The following PTPRO variants were observed in gnomAD, a reference collection of about 807,000 sequenced individuals.
PTPRO encodes protein tyrosine phosphatase receptor type O, also known as receptor-type tyrosine-protein phosphatase O.
PTPRO carries 62 observed loss-of-function variants against 145.2 expected under a neutral mutation model. The observed-to-expected ratio is 0.43, with a 90% CI of 0.35 to 0.53. The LOEUF is 0.53. Among genes scored for constraint, PTPRO ranks in the 20% least tolerant of loss-of-function variants. The probability of loss-of-function intolerance (pLI) is 0.01; values close to 1 mark genes in which losing one functional copy is unlikely to be tolerated. For synonymous variants in PTPRO, 565 were observed against 514.7 expected (o/e 1.10, Z -1.32); for missense variants, 1,345 against 1,482.7 (o/e 0.91, Z 1.53).
At chr12:15,584,112 AC>A (rs1424820440) in intron 23 of PTPRO, among the ~76,000 whole-genome samples, 1 of 152,190 alleles carries the variant, frequency 6.6e-6, no homozygotes, top group African/African-American at 2.4e-5. Context: ...ATCACAGCAC[AC>A]CATAGATAGT....
chr12:15,557,104 G>A (rs1376085889), intron 15 of PTPRO, among the ~76,000 whole-genome samples: 1 of 150,422 alleles, frequency 6.6e-6, no homozygotes, highest in Non-Finnish European at 1.5e-5. Context: ...GCGGTGGCGC[G>A]ATCTCTGCTC....
At chr12:15,423,003 A>G (rs972611471) in intron 1 of PTPRO, among the ~76,000 whole-genome samples, 2 of 152,214 alleles carry the variant, frequency 1.3e-5, no homozygotes, top group African/African-American at 4.8e-5. Flanking sequence ...GTTGATATGC[A>G]AAGGGAATTT....
intron 17 of PTPRO, among the ~76,000 whole-genome samples, chr12:15,564,196 T>G (rs1442727249): frequency 6.6e-6 from 1 of 152,176 alleles, no homozygotes; most frequent in African/African-American, 2.4e-5. Context: ...TTGTTTTCAC[T>G]TAGAAGTGGG....
At position 15,580,229 on chromosome 12, in the gene PTPRO, T is replaced by G; in HGVS notation, c.2997+114T>G. 6.1e-6 allele frequency: 5 copies of G among 822,888 alleles called. No individual in the cohort carries two copies. The Admixed American group carries it at 9.1e-5, about 15-fold the overall frequency. 51.0% of individuals were successfully genotyped at this position (822,888 alleles called of 1,614,324 possible). ...AGAGAGCCTTTCCCAACCCAGCAAT[T>G]GAATTCTAAAAAGTTTGCATTACTC... On this transcript the variant is annotated intron_variant, in intron 21 of 26. Coordinates refer to ENST00000281171, the MANE Select transcript of PTPRO (RefSeq NM_030667.3).
At chr12:15,378,994 C>G (rs977565541) in intron 1 of PTPRO, among the ~76,000 whole-genome samples, 2 of 152,086 alleles carry the variant, frequency 1.3e-5, no homozygotes, top group African/African-American at 4.8e-5. Context: ...TTTATACCCA[C>G]TGGGGACAGC....
At chr12:15,466,350 G>A (rs1480805492) in intron 1 of PTPRO, among the ~76,000 whole-genome samples, 1 of 152,150 alleles carries the variant, frequency 6.6e-6, no homozygotes, top group Non-Finnish European at 1.5e-5. Context: ...ACTAGTTCAA[G>A]TAACGGCAAA....
chr12:15,464,009 A>G (rs1941361097), intron 1 of PTPRO, among the ~76,000 whole-genome samples: 1 of 152,152 alleles, frequency 6.6e-6, no homozygotes. Flanking sequence ...ACTGTGATAG[A>G]TGATAGGTGA....
intron 1 of PTPRO, chr12:15,410,872 A>G (rs771798333): frequency 1.3e-5 from 2 of 152,188 alleles, no homozygotes; most frequent in African/African-American, 2.4e-5. Context: ...AATAGTTTAA[A>G]TCTTGGCACA....
At chr12:15,503,808 A>G in intron 5 of PTPRO, 100 bp from the exon 6 acceptor site, 1 of 942,320 alleles carries the variant, frequency 1.1e-6, no homozygotes, top group South Asian at 1.6e-5. Flanking sequence ...AGGAGGGAAC[A>G]TTTAAAACAC....
chr12:15,571,209 CAA>C (rs560439890), intron 19 of PTPRO, among the ~76,000 whole-genome samples: 6 of 152,094 alleles, frequency 3.9e-5, no homozygotes, highest in Non-Finnish European at 7.4e-5. Flanking sequence ...CAAAGAGAAA[CAA>C]AGAGAAACGC....
chr12:15,340,550 T>C (rs1866943260), intron 1 of PTPRO, among the ~76,000 whole-genome samples: 1 of 152,214 alleles, frequency 6.6e-6, no homozygotes, highest in Non-Finnish European at 1.5e-5. Context: ...TTCCTATATA[T>C]TCGTAAACGT....
At position 15,404,355 on chromosome 12, in the gene PTPRO, C is replaced by G. The variant is rs1259121704; in HGVS notation, c.76-79619C>G. Among the ~76,000 whole-genome samples, 2 of 151,952 alleles carry G rather than the reference C, an allele frequency of 1.3e-5. 1 individual carries two copies. The highest frequency in any genetic ancestry group is 2.9e-5 in the Non-Finnish European group (2 of 67,984). On this transcript the variant is annotated intron_variant, in intron 1 of 26. Coordinates refer to ENST00000281171, the MANE Select transcript of PTPRO (RefSeq NM_030667.3). ...AATGGCATGTTATTATTTTAATTTGCCTCTGTGATTACTCATGGCATTGGA... is the reference window on the plus strand; with the variant it reads ...AATGGCATGTTATTATTTTAATTTGGCTCTGTGATTACTCATGGCATTGGA...
At chr12:15,528,496 G>A (rs908562001) in intron 12 of PTPRO, among the ~76,000 whole-genome samples, 3 of 148,382 alleles carry the variant, frequency 2.0e-5, no homozygotes, top group African/African-American at 7.5e-5. Flanking sequence ...CTGCACACCA[G>A]CCTGGGTGAC....
At chr12:15,446,314 G>A (rs1940901373) in intron 1 of PTPRO, among the ~76,000 whole-genome samples, 1 of 151,970 alleles carries the variant, frequency 6.6e-6, no homozygotes, top group African/African-American at 2.4e-5. Flanking sequence ...TATTATTATA[G>A]AAGAAATTGA....
intron 1 of PTPRO, among the ~76,000 whole-genome samples, chr12:15,400,878 C>T (rs991606376): frequency 6.6e-6 from 1 of 152,182 alleles, no homozygotes; most frequent in Non-Finnish European, 1.5e-5. Flanking sequence ...GTCTTATTCA[C>T]TGATGCATCC....
At chr12:15,428,663 T>C (rs1368333517) in intron 1 of PTPRO, among the ~76,000 whole-genome samples, 1 of 152,162 alleles carries the variant, frequency 6.6e-6, no homozygotes, top group South Asian at 2.1e-4. Flanking sequence ...AAAATATTAC[T>C]GTTTCAAATA....
rs532006122 is a variant in PTPRO, at chr12:15,581,925, G to C, written c.3255+124G>C. On this transcript the variant is annotated intron_variant, in intron 23 of 26. Transcript: ENST00000281171. ...ACAGACACACACACAAAAATATCGAGTGTGGAGTGGGAAATCAGGGGTCTC... is the reference window on the plus strand; with the variant it reads ...ACAGACACACACACAAAAATATCGACTGTGGAGTGGGAAATCAGGGGTCTC... 17 of 1,300,572 alleles carry C rather than the reference G, an allele frequency of 1.3e-5. No individual in the cohort carries two copies. The South Asian group carries it at 2.1e-4, about 16-fold the overall frequency. 80.6% of individuals were successfully genotyped at this position (1,300,572 alleles called of 1,614,324 possible).
intron 1 of PTPRO, among the ~76,000 whole-genome samples, chr12:15,387,846 C>T (rs139245835): frequency 7.9e-5 from 12 of 152,178 alleles, no homozygotes; most frequent in African/African-American, 2.9e-4. Flanking sequence ...GTGTATCTTC[C>T]CAATGACACC....
chr12:15,508,798 C>T (rs367932363), intron 7 of PTPRO, 31 bp downstream of exon 7: 29 of 1,604,196 alleles, frequency 1.8e-5, no homozygotes, highest in African/African-American at 6.7e-5. Flanking sequence ...ATGGGCTCGC[C>T]GGTCCTTCCT....
Sources: gnomAD v4.1 joint callset for allele counts (sites outside exome capture counted in the v4.1 genomes callset) on GRCh38, gnomAD v4.1.1 for gene constraint, MANE v1.5 for transcripts, NCBI Gene and HGNC (gene_info 2026-07-23, HGNC 2026-07-21) for gene names.